RPS6KA2: variants seen among roughly 807,000 people sequenced by gnomAD.
RPS6KA2 encodes the protein ribosomal protein S6 kinase alpha-2.
Under a neutral mutation model 91.8 loss-of-function variants are expected in RPS6KA2, and 42 were observed. That is an observed-to-expected ratio of 0.46 (90% CI 0.36 to 0.59). RPS6KA2 has a LOEUF of 0.59. RPS6KA2 is among the 20% of genes least tolerant of loss of function. The probability of loss-of-function intolerance (pLI) is 0.00; values close to 1 mark genes in which losing one functional copy is unlikely to be tolerated. For missense variants in RPS6KA2, 798 were observed against 978.5 expected (o/e 0.82, Z 2.46); for synonymous variants, 414 against 393.6 (o/e 1.05, Z -0.61).
chr6:166,543,665 A>G (rs1388748989), intron 1 of RPS6KA2, among the ~76,000 whole-genome samples: 1 of 152,038 alleles, frequency 6.6e-6, no homozygotes, highest in Non-Finnish European at 1.5e-5. Flanking sequence ...TTTTGTCTCC[A>G]TGTAGTTACC....
intron 1 of RPS6KA2, among the ~76,000 whole-genome samples, chr6:166,584,243 G>A (rs1013418721): frequency 1.3e-5 from 2 of 152,214 alleles, no homozygotes; most frequent in African/African-American, 2.4e-5. Context: ...GCGCCCTTTC[G>A]TGGTGGAGCA....
intron 2 of RPS6KA2, chr6:166,700,959 C>G: frequency 2.8e-6 from 2 of 703,618 alleles, no homozygotes; most frequent in Admixed American, 4.6e-5. Context: ...TCAAAAGTTG[C>G]CTGGTCCTCA....
intron 1 of RPS6KA2, among the ~76,000 whole-genome samples, chr6:166,615,925 C>A (rs2128536698): frequency 6.6e-6 from 1 of 152,310 alleles, no homozygotes; most frequent in Non-Finnish European, 1.5e-5. Context: ...CATCTCCCTG[C>A]ATACACAGGC....
At chr6:166,450,302 C>T (rs1779849407) in intron 13 of RPS6KA2, among the ~76,000 whole-genome samples, 1 of 150,274 alleles carries the variant, frequency 6.7e-6, no homozygotes, top group Non-Finnish European at 1.5e-5. Flanking sequence ...ACCACGGGGA[C>T]CACCATAGGG....
chr6:166,810,286 C>A (rs845673), intron 2 of RPS6KA2, among the ~76,000 whole-genome samples: 84,023 of 151,884 alleles, frequency 0.55, 23,940 homozygotes, highest in East Asian at 0.65. Flanking sequence ...CACAACCAGA[C>A]CATATCAGAT....
intron 8 of RPS6KA2, among the ~76,000 whole-genome samples, chr6:166,492,720 CTTTTTT>C (rs10533292): frequency 0.26 from 36,542 of 141,116 alleles, 5,292 homozygotes; most frequent in East Asian, 0.53. Context: ...TTTTTCTTTT[CTTTTTT>C]TTTTTTTTTG....
intron 5 of RPS6KA2, among the ~76,000 whole-genome samples, chr6:166,507,026 G>A (rs1782251745): frequency 6.6e-6 from 1 of 152,082 alleles, no homozygotes; most frequent in African/African-American, 2.4e-5. Flanking sequence ...TAAGGCACTG[G>A]AGGTCAAGGA....
chr6:166,506,185 G>T (rs1782218067), intron 5 of RPS6KA2, among the ~76,000 whole-genome samples: 2 of 152,140 alleles, frequency 1.3e-5, no homozygotes, highest in Admixed American at 1.3e-4. Flanking sequence ...GCTGAATGAG[G>T]ACCCAAGGAA....
intron 2 of RPS6KA2, among the ~76,000 whole-genome samples, chr6:166,536,563 C>T (rs979697068): frequency 7.2e-5 from 11 of 152,292 alleles, no homozygotes; most frequent in East Asian, 1.9e-4. Flanking sequence ...GTCTGAGCAA[C>T]GCTTTTGAGA....
At position 166,732,972 on chromosome 6, in the gene RPS6KA2, G is replaced by A. The variant is rs970289610; in HGVS notation, c.123+125228C>T. Among the ~76,000 whole-genome samples the A allele has an allele frequency of 6.6e-6, 1 of 152,178 alleles. No homozygotes were observed. The highest frequency in any genetic ancestry group is 6.5e-5 in the Admixed American group (1 of 15,282). On this transcript the variant is annotated intron_variant, in intron 2 of 21. Coordinates refer to the RPS6KA2 transcript ENST00000503859. This position sits in a 1 kb window ranked among gnomAD's most constrained non-coding sequence, Gnocchi z 4.0. ...AATGAGGAACCGGAGCGGCTGGGGT[G>A]CAGGGTGGGAGGCAGGGGTGCACAC...
Position 166,423,664 on chromosome 6 carries a change from A to G in RPS6KA2, c.1582-247T>C, listed in dbSNP as rs1778811152. On this transcript the variant is annotated intron_variant, in intron 16 of 20. Coordinates refer to ENST00000265678, the MANE Select transcript of RPS6KA2 (RefSeq NM_021135.6). This position sits in a 1 kb window ranked among gnomAD's most constrained non-coding sequence, Gnocchi z 4.8. The stretch of plus-strand genomic sequence containing the variant: ...TCACCTGCTTTTACAGTGAATGAAT[A>G]TTTGAGTAAATAAGTGAGCACCTCT... 6.6e-6 allele frequency among the ~76,000 whole-genome samples: 1 copy of G among 152,210 alleles called. No individual in the cohort carries two copies. Among genetic ancestry groups the G allele is most frequent in the African/African-American group, 2.4e-5 (1 of 41,450 alleles).
intron 14 of RPS6KA2, among the ~76,000 whole-genome samples, chr6:166,446,594 G>T (rs563372550): frequency 6.6e-6 from 1 of 152,098 alleles, no homozygotes; most frequent in African/African-American, 2.4e-5. Flanking sequence ...GAGGACTGAC[G>T]GACTGAGTTT....
intron 2 of RPS6KA2, among the ~76,000 whole-genome samples, chr6:166,709,201 G>T (rs1437915829): frequency 6.6e-6 from 1 of 152,230 alleles, no homozygotes; most frequent in African/African-American, 2.4e-5. Flanking sequence ...GATGTAACAA[G>T]ATAACGGATG....
intron 10 of RPS6KA2, among the ~76,000 whole-genome samples, chr6:166,484,950 C>T (rs1410477853): frequency 6.6e-6 from 1 of 152,212 alleles, no homozygotes; most frequent in Non-Finnish European, 1.5e-5. Flanking sequence ...TAATGACTAC[C>T]TTAGTGCAGT....
In RPS6KA2 at chr6:166,504,481, T is replaced by A. The variant is rs748066360; in HGVS notation, c.566+25A>T. 2.8e-6 allele frequency: 4 copies of A among 1,432,248 alleles called. No individual in the cohort carries two copies. The South Asian group carries it at 3.6e-5, about 13-fold the overall frequency. The allele number at this position is 1,432,248 out of a possible 1,614,324, so 88.7% of individuals were successfully genotyped here. A position where few individuals can be genotyped will look rare whatever the true frequency, so the allele number is the denominator to read the frequency against. On this transcript the variant is annotated intron_variant, in intron 6 of 20. Transcript: ENST00000265678. Reference sequence around the variant, plus strand: ...CATGGAGCTGATGGGCGTGGGGAAGTCAGCCCTAGTTTTTTCTCACTTACT... The same window carrying A: ...CATGGAGCTGATGGGCGTGGGGAAGACAGCCCTAGTTTTTTCTCACTTACT...
At chr6:166,791,332 G>A (rs1779082549) in intron 2 of RPS6KA2, among the ~76,000 whole-genome samples, 1 of 152,088 alleles carries the variant, frequency 6.6e-6, no homozygotes, top group Non-Finnish European at 1.5e-5. Context: ...AAATATATAT[G>A]CACCCAATAC....
At chr6:166,756,874 A>G (rs1778025985) in intron 2 of RPS6KA2, among the ~76,000 whole-genome samples, 1 of 152,198 alleles carries the variant, frequency 6.6e-6, no homozygotes, top group Non-Finnish European at 1.5e-5. Context: ...AAAAATAAAT[A>G]GTAAAATAAA....
intron 1 of RPS6KA2, among the ~76,000 whole-genome samples, chr6:166,545,746 T>C (rs1243708432): frequency 6.6e-6 from 1 of 152,188 alleles, no homozygotes; most frequent in Middle Eastern, 3.2e-3. Flanking sequence ...CCGTGGATTA[T>C]TTTCTCTTCC....
At chr6:166,507,712 C>A (rs957604420) in intron 5 of RPS6KA2, among the ~76,000 whole-genome samples, 1 of 149,312 alleles carries the variant, frequency 6.7e-6, no homozygotes, top group African/African-American at 2.5e-5. Flanking sequence ...AGCACACACA[C>A]CATCACACAC....
Sources: allele counts gnomAD v4.1 joint callset (sites outside exome capture counted in the v4.1 genomes callset), GRCh38; gene constraint gnomAD v4.1.1; non-coding constraint Gnocchi (gnomAD v3.1); transcripts MANE v1.5; gene names NCBI Gene and HGNC (gene_info 2026-07-23, HGNC 2026-07-21).